PBX1: variants seen among roughly 807,000 people sequenced by gnomAD.
PBX1 encodes the protein PBX homeobox 1.
A neutral mutation model predicts 53.4 loss-of-function variants in PBX1; 6 were observed. That is an observed-to-expected ratio of 0.11 (90% CI 0.06 to 0.22). PBX1 has a LOEUF of 0.22. Among genes scored for constraint, PBX1 ranks in the 10% least tolerant of loss-of-function variants. The pLI, the probability that PBX1 is intolerant of heterozygous loss-of-function variation, is 1.00. For synonymous variants in PBX1, 204 were observed against 212.3 expected, an observed-to-expected ratio of 0.96 and a Z score of 0.34; for missense variants, 251 against 551.4, an observed-to-expected ratio of 0.46 and a Z score of 5.46.
Position 164,849,358 on chromosome 1 carries a change from C to G in PBX1, c.*2682C>G, listed in dbSNP as rs1264226356. The G allele has an allele frequency of 1.3e-6, 2 of 1,535,716 alleles. No individual in the cohort carries two copies. The highest frequency in any genetic ancestry group is 1.7e-6 in the Non-Finnish European group (2 of 1,146,796). On this transcript the variant is annotated 3_prime_UTR_variant, in exon 9 of 9. Transcript: ENST00000420696. ...TACCCAGCACCTCCCCCGGCACCCC[C>G]GGCAAGCCCACTATCACTTCCGACT...
At chr1:164,680,667 C>G (rs1362317343) in intron 2 of PBX1, 1 of 152,180 alleles carries the variant, frequency 6.6e-6, no homozygotes, top group African/African-American at 2.4e-5. Flanking sequence ...TGCAGCTAGG[C>G]TATTGTATAC....
chr1:164,853,423 A>G (rs112496358), downstream of PBX1, among the ~76,000 whole-genome samples: 2,464 of 152,268 alleles, frequency 0.016, 80 homozygotes, highest in African/African-American at 0.054. Flanking sequence ...TGTTTCATTG[A>G]CTGGACACAC....
At chr1:164,659,026 A>G (rs1211500173) in intron 2 of PBX1, among the ~76,000 whole-genome samples, 1 of 152,194 alleles carries the variant, frequency 6.6e-6, no homozygotes, top group African/African-American at 2.4e-5. Flanking sequence ...ACCAGTGGCA[A>G]TCCCACATAT....
chr1:164,846,944 T>A lies in PBX1; in HGVS notation c.*268T>A. 1 of 1,342,528 alleles carries A rather than the reference T, an allele frequency of 7.4e-7. No homozygotes were observed. The highest frequency in any genetic ancestry group is 2.7e-5 in the East Asian group (1 of 37,280). 83.2% of individuals were successfully genotyped at this position (1,342,528 alleles called of 1,614,324 possible). A position where few individuals can be genotyped will look rare whatever the true frequency, so the allele number is the denominator to read the frequency against. On this transcript the variant is annotated 3_prime_UTR_variant, in exon 9 of 9. Transcript: ENST00000420696. The stretch of plus-strand genomic sequence containing the variant: ...TGGTTTTCGTCATCTTCCCTGCCCC[T>A]GTGCCTCTGTCCTAGACTCCCGGGG...
chr1:164,628,222 T>C (rs1410932769), intron 2 of PBX1, among the ~76,000 whole-genome samples: 1 of 152,208 alleles, frequency 6.6e-6, no homozygotes, highest in African/African-American at 2.4e-5. Context: ...AATTGCTAAG[T>C]TTTCTAGTCC....
At chr1:164,571,890 T>TATATATAC (rs1653894683) in intron 2 of PBX1, among the ~76,000 whole-genome samples, 1 of 115,844 alleles carries the variant, frequency 8.6e-6, no homozygotes, top group African/African-American at 3.2e-5. Flanking sequence ...TATATATATA[T>TATATATAC]ATATATATAT....
At chr1:164,843,417 C>T (rs571628449) in intron 8 of PBX1, among the ~76,000 whole-genome samples, 233 of 152,184 alleles carry the variant, frequency 1.5e-3, no homozygotes, top group South Asian at 8.9e-3. Context: ...TCATTTTGCT[C>T]AGGCTGTTGG....
At chr1:164,846,050 T>C (rs1671554503) in intron 8 of PBX1, among the ~76,000 whole-genome samples, 1 of 152,076 alleles carries the variant, frequency 6.6e-6, no homozygotes, top group African/African-American at 2.4e-5. Flanking sequence ...GAACTACATC[T>C]CACTCATCAT....
At chr1:164,603,929 A>ATTTTTTTTTTTTTTTCTTTTTT (rs1656370868) in intron 2 of PBX1, among the ~76,000 whole-genome samples, 1 of 75,742 alleles carries the variant, frequency 1.3e-5, no homozygotes, top group African/African-American at 6.2e-5. Context: ...ATGTCATTTC[A>ATTTTTTTTTTTTTTTCTTTTTT]TTTTTTTTTT....
chr1:164,575,491 T>A (rs1225382216), intron 2 of PBX1, among the ~76,000 whole-genome samples: 2 of 151,886 alleles, frequency 1.3e-5, no homozygotes, highest in Non-Finnish European at 1.5e-5. Context: ...GCAGAGAGAG[T>A]CAGTCGTTTT....
chr1:164,619,954 A>T (rs990279832), intron 2 of PBX1, among the ~76,000 whole-genome samples: 5 of 152,206 alleles, frequency 3.3e-5, no homozygotes, highest in African/African-American at 9.6e-5. Flanking sequence ...TGGGAGGATC[A>T]CTTGAGCCTA....
chr1:164,643,988 C>G (rs1027570550), intron 2 of PBX1, among the ~76,000 whole-genome samples: 2 of 152,214 alleles, frequency 1.3e-5, no homozygotes, highest in African/African-American at 2.4e-5. Context: ...TTAACTTTAA[C>G]TTTGGCATTC....
chr1:164,645,498 G>C (rs1219064555), intron 2 of PBX1, among the ~76,000 whole-genome samples: 1 of 151,696 alleles, frequency 6.6e-6, no homozygotes, highest in African/African-American at 2.4e-5. Flanking sequence ...CAAACTCCAT[G>C]GCTGTTTGAT....
At chr1:164,864,189 C>T (rs1196116693) in intron 2 of PBX1, among the ~76,000 whole-genome samples, 1 of 152,064 alleles carries the variant, frequency 6.6e-6, no homozygotes, top group Non-Finnish European at 1.5e-5. Flanking sequence ...CTGTTGCTGG[C>T]AGGAGTAAGT....
rs2881731 is a variant in PBX1 at position 164,850,223 on chromosome 1, T to C, written c.*3547T>C. 4.4e-6 allele frequency: 1 copy of C among 225,504 alleles called. No individual in the cohort carries two copies. Among genetic ancestry groups the C allele is most frequent in the Non-Finnish European group, 8.8e-6 (1 of 113,326 alleles). The allele number at this position is 225,504 out of a possible 1,614,324, so 14.0% of individuals were successfully genotyped here. On this transcript the variant is annotated 3_prime_UTR_variant, in exon 9 of 9. Coordinates refer to ENST00000420696, the MANE Select transcript of PBX1 (RefSeq NM_002585.4). ...CCTACATTCATCATTTCCCTCATTT[T>C]TCTTTTATTTTCTTGCATTTGTGAA... is the stretch of plus-strand genomic sequence containing the variant.
intron 2 of PBX1, among the ~76,000 whole-genome samples, chr1:164,863,823 G>A (rs1312531653): frequency 1.3e-5 from 2 of 152,142 alleles, no homozygotes; most frequent in East Asian, 1.9e-4. Flanking sequence ...CAGGGAGGTC[G>A]AGAAGGGAGG....
intron 2 of PBX1, chr1:164,626,106 C>T (rs1487880424): frequency 1.4e-5 from 14 of 1,024,984 alleles, no homozygotes; most frequent in Admixed American, 1.2e-4. Context: ...GGTGAGTGTT[C>T]GATATCTTTG....
chr1:164,812,446 T>C (rs1302298362), intron 6 of PBX1, among the ~76,000 whole-genome samples: 5 of 152,198 alleles, frequency 3.3e-5, no homozygotes, highest in Admixed American at 3.3e-4. Flanking sequence ...CTCTCAGGGA[T>C]ATCAATAAGT....
chr1:164,729,393 C>A (rs1343755636), intron 2 of PBX1, among the ~76,000 whole-genome samples: 1 of 151,982 alleles, frequency 6.6e-6, no homozygotes, highest in Admixed American at 6.6e-5. Flanking sequence ...TTATCTTTAT[C>A]ATCCAAAAAC....
Sources: gnomAD v4.1 joint callset for allele counts (sites outside exome capture counted in the v4.1 genomes callset) on GRCh38, gnomAD v4.1.1 for gene constraint, MANE v1.5 for transcripts, NCBI Gene and HGNC (gene_info 2026-07-23, HGNC 2026-07-21) for gene names.